TTC6: variants seen among roughly 807,000 people sequenced by gnomAD.
TTC6 encodes the protein tetratricopeptide repeat protein 6.
Under a neutral mutation model 210.4 loss-of-function variants are expected in TTC6, and 172 were observed. The observed-to-expected ratio is 0.82, with a 90% CI of 0.72 to 0.93. TTC6 has a LOEUF of 0.93. Among genes scored for constraint, TTC6 ranks in the 40% least tolerant of loss-of-function variants. The probability of loss-of-function intolerance (pLI) is 0.00; values close to 1 mark genes in which losing one functional copy is unlikely to be tolerated. For synonymous variants in TTC6, 804 were observed against 819.6 expected (o/e 0.98, Z 0.32); for missense variants, 2,414 against 2,318.1 (o/e 1.04, Z -0.85).
chr14:37,812,559 A>G (rs1240235026), intron 25 of TTC6, 126 bp downstream of exon 27: 9 of 967,360 alleles, frequency 9.3e-6, no homozygotes, highest in East Asian at 2.7e-5. Context: ...CAAGAATTCT[A>G]TTAAAATACT....
At chr14:37,744,201 T>G (rs2095929200) in intron 10 of TTC6, among the ~76,000 whole-genome samples, 1 of 152,114 alleles carries the variant, frequency 6.6e-6, no homozygotes, top group Non-Finnish European at 1.5e-5. Context: ...CAACATACAT[T>G]TATTGAGCAC....
At chr14:37,621,255 C>G (rs2095650553), upstream of TTC6, among the ~76,000 whole-genome samples, 1 of 152,038 alleles carries the variant, frequency 6.6e-6, no homozygotes, top group Non-Finnish European at 1.5e-5. Flanking sequence ...TTCAGAGAAA[C>G]TGCAAATCTG....
intron 14 of TTC6, among the ~76,000 whole-genome samples, chr14:37,765,859 A>G (rs1026107979): frequency 1.3e-5 from 2 of 151,974 alleles, no homozygotes; most frequent in Admixed American, 6.6e-5. Context: ...TAAATATGTT[A>G]TCTACTGCCT....
At chr14:37,662,468 A>T (rs1260051528) in intron 1 of TTC6, among the ~76,000 whole-genome samples, 7 of 152,170 alleles carry the variant, frequency 4.6e-5, no homozygotes, top group African/African-American at 1.7e-4. Flanking sequence ...TGATTTGCGT[A>T]TGTTGAACCA....
chr14:37,773,383 A>G (rs2096026641), intron 14 of TTC6, among the ~76,000 whole-genome samples: 1 of 152,064 alleles, frequency 6.6e-6, no homozygotes. Context: ...TATCATGCAG[A>G]GGTTTTATAG....
intron 3 of TTC6, among the ~76,000 whole-genome samples, chr14:37,690,042 A>G (rs919327125): frequency 1.3e-5 from 2 of 152,166 alleles, no homozygotes; most frequent in Non-Finnish European, 2.9e-5. Flanking sequence ...ATAAATAGAA[A>G]CAAGAAGATA....
At chr14:37,706,609 T>C (rs1351086837) in intron 5 of TTC6, among the ~76,000 whole-genome samples, 1 of 152,102 alleles carries the variant, frequency 6.6e-6, no homozygotes, top group African/African-American at 2.4e-5. Context: ...ATTGCAACCA[T>C]AATAAAGAAT....
chr14:37,658,675 A>AC (rs904850806), intron 1 of TTC6, among the ~76,000 whole-genome samples: 123 of 152,294 alleles, frequency 8.1e-4, no homozygotes, highest in African/African-American at 2.8e-3. Flanking sequence ...CTTCTACACA[A>AC]TCTATGCACA....
At chr14:37,613,918 T>A (rs142481467) in intron 2 of TTC6, among the ~76,000 whole-genome samples, 119 of 152,184 alleles carry the variant, frequency 7.8e-4, no homozygotes, top group African/African-American at 2.7e-3. Context: ...TTGACTTAGT[T>A]AATTTTCTCA....
intron 1 of TTC6, among the ~76,000 whole-genome samples, chr14:37,659,341 C>T (rs1389719874): frequency 6.6e-6 from 1 of 152,016 alleles, no homozygotes; most frequent in Non-Finnish European, 1.5e-5. Flanking sequence ...CTGTTTTTAG[C>T]TCTTTGAGGA....
chr14:37,748,725 C>A (rs575687920), intron 10 of TTC6, among the ~76,000 whole-genome samples: 8 of 152,262 alleles, frequency 5.3e-5, no homozygotes, highest in Admixed American at 2.6e-4. Flanking sequence ...GAGGCTACAT[C>A]TTTAAAAACA....
chr14:37,766,918 A>G (rs556845616), intron 14 of TTC6, among the ~76,000 whole-genome samples: 7 of 151,784 alleles, frequency 4.6e-5, no homozygotes, highest in Non-Finnish European at 1.0e-4. Flanking sequence ...GTCATCTAGC[A>G]TTAGGTATAT....
chr14:37,696,470 CA>C (rs2095815012), intron 3 of TTC6, among the ~76,000 whole-genome samples: 1 of 151,744 alleles, frequency 6.6e-6, no homozygotes, highest in Non-Finnish European at 1.5e-5. Flanking sequence ...ATTTATTCTT[CA>C]ATAATTTTAA....
At chr14:37,789,460 A>C (rs560945257) in intron 15 of TTC6, among the ~76,000 whole-genome samples, 50 of 151,928 alleles carry the variant, frequency 3.3e-4, no homozygotes, top group African/African-American at 1.1e-3. Flanking sequence ...CATGCGCCAC[A>C]TAATGATGTT....
intron 2 of TTC6, among the ~76,000 whole-genome samples, chr14:37,611,991 G>T (rs1566838271): frequency 6.7e-6 from 1 of 148,854 alleles, no homozygotes; most frequent in African/African-American, 2.5e-5. Flanking sequence ...GAGATCAATA[G>T]TTTTTTTTTT....
At chr14:37,755,663 A>T (rs1445622912) in intron 14 of TTC6, among the ~76,000 whole-genome samples, 1 of 151,934 alleles carries the variant, frequency 6.6e-6, no homozygotes, top group Non-Finnish European at 1.5e-5. Context: ...TTTTATGTAT[A>T]TATGTGTGGT....
At chr14:37,646,451 G>A (rs1247272850) in intron 1 of TTC6, among the ~76,000 whole-genome samples, 1 of 152,076 alleles carries the variant, frequency 6.6e-6, no homozygotes, top group East Asian at 1.9e-4. Context: ...AAAAGATGAT[G>A]AGACTATAGG....
rs972376757 is a variant in TTC6 at position 37,740,285 on chromosome 14, G to A, written c.2363+1130G>A. ...GCCAGTATATTTAAAATTATGTAGG[G>A]ACCTGAAATAATAACCACTGAAATT... On this transcript the variant is annotated intron_variant, in intron 10 of 30. Coordinates refer to ENST00000553443, the Ensembl canonical transcript of TTC6. Among the ~76,000 whole-genome samples the A allele has an allele frequency of 2.6e-5, 4 of 151,948 alleles. No homozygotes were observed. The South Asian group carries it at 6.2e-4, about 24-fold the overall frequency.
chr14:37,711,511 T>G (rs1390154567), intron 5 of TTC6, among the ~76,000 whole-genome samples: 1 of 152,164 alleles, frequency 6.6e-6, no homozygotes, highest in Non-Finnish European at 1.5e-5. Context: ...TATAATGGCC[T>G]GTTGATTTTG....
Sources: gnomAD v4.1 joint callset for allele counts (sites outside exome capture counted in the v4.1 genomes callset) on GRCh38, gnomAD v4.1.1 for gene constraint, MANE v1.5 for transcripts, NCBI Gene and HGNC (gene_info 2026-07-23, HGNC 2026-07-21) for gene names.